The following ZNF592 variants were observed in gnomAD, a reference collection of about 807,000 sequenced individuals.
ZNF592 encodes spinocerebellar ataxia, autosomal recessive 5.
ZNF592 carries 11 observed loss-of-function variants against 80.3 expected under a neutral mutation model. The observed-to-expected ratio is 0.14, with a 90% CI of 0.09 to 0.23. ZNF592 has a LOEUF of 0.23. Among genes scored for constraint, ZNF592 ranks in the 10% least tolerant of loss-of-function variants. ZNF592 has a pLI of 1.00. For missense variants in ZNF592, 1,420 were observed against 1,633.9 expected (o/e 0.87, Z 2.26); for synonymous variants, 646 against 640.3 (o/e 1.01, Z -0.13).
chr15:84,770,143 T>A (rs1266962804), intron 2 of ZNF592, among the ~76,000 whole-genome samples: 2 of 151,902 alleles, frequency 1.3e-5, no homozygotes, highest in South Asian at 2.1e-4. Flanking sequence ...GGATGAAGGG[T>A]GTGAAAGAAA....
chr15:84,757,136 A>T (rs925073423), intron 1 of ZNF592, among the ~76,000 whole-genome samples: 2 of 151,972 alleles, frequency 1.3e-5, no homozygotes, highest in Non-Finnish European at 2.9e-5. Flanking sequence ...TTATTTTTGT[A>T]GTGATGATGG....
intron 1 of ZNF592, chr15:84,754,594 A>G (rs1322489425): frequency 6.6e-6 from 1 of 150,548 alleles, no homozygotes; most frequent in Non-Finnish European, 1.5e-5. Flanking sequence ...GGGGCCCGGC[A>G]TGGTGGTTTA....
At chr15:84,787,255 C>T (rs924594984) in intron 4 of ZNF592, among the ~76,000 whole-genome samples, 4 of 152,130 alleles carry the variant, frequency 2.6e-5, no homozygotes, top group African/African-American at 9.7e-5. Flanking sequence ...TCATTCTGCC[C>T]TAGTGGGAGC....
chr15:84,792,407 T>G (rs574023062), intron 5 of ZNF592, among the ~76,000 whole-genome samples: 1 of 152,350 alleles, frequency 6.6e-6, no homozygotes, highest in South Asian at 2.1e-4. Flanking sequence ...ACACGTATAT[T>G]AAAGTTTTGC....
intron 1 of ZNF592, among the ~76,000 whole-genome samples, chr15:84,749,025 G>C (rs1898933863): frequency 6.6e-6 from 1 of 152,162 alleles, no homozygotes; most frequent in African/African-American, 2.4e-5. Flanking sequence ...CACGGATAAC[G>C]GTGCCACTTT....
chr15:84,771,029 C>A (rs1171237581), intron 2 of ZNF592, among the ~76,000 whole-genome samples: 1 of 152,106 alleles, frequency 6.6e-6, no homozygotes, highest in Non-Finnish European at 1.5e-5. Context: ...GGGGCAGGTA[C>A]ATCAGCCAGG....
chr15:84,798,763 G>T lies in ZNF592; in HGVS notation c.2912G>T (p.Arg971Met). The change falls in exon 8 of 11, where the codon AGG becomes ATG. Residue 971 changes from arginine to methionine, a missense_variant. Arg to Met is a moderately conservative substitution (Grantham distance 91, BLOSUM62 -1). Around this residue, in one of 7 missense-constraint regions of ZNF592, gnomAD observed 331 missense variants for 347.0 expected, o/e 0.95. Coordinates refer to ENST00000560079, the MANE Select transcript of ZNF592 (RefSeq NM_014630.3). The surrounding 1 kb of genome is among the most constrained non-coding windows in gnomAD (Gnocchi z 4.5). ...GRWGRPEAHR[R>M]VEARPRLRNT... ...TGGGGTAGGCCTGAAGCCCACCGCA[G>T]GGTGGAAGCCAGGCCGCGGCTGAGG... 1 of 1,607,248 alleles carries T rather than the reference G, an allele frequency of 6.2e-7. No individual in the cohort carries two copies.
chr15:84,770,618 T>G (rs1217686119), intron 2 of ZNF592, among the ~76,000 whole-genome samples: 1 of 152,010 alleles, frequency 6.6e-6, no homozygotes, highest in Non-Finnish European at 1.5e-5. Context: ...TTCCCCTCTC[T>G]GAGCCTCAGT....
At chr15:84,792,556 TC>T (rs762181621) in intron 5 of ZNF592, among the ~76,000 whole-genome samples, 7 of 152,104 alleles carry the variant, frequency 4.6e-5, no homozygotes, top group Non-Finnish European at 1.0e-4. Flanking sequence ...GCTCAGGTGA[TC>T]CTCCCATCTC....
At chr15:84,759,605 G>T (rs1040772734) in intron 1 of ZNF592, among the ~76,000 whole-genome samples, 2 of 151,962 alleles carry the variant, frequency 1.3e-5, no homozygotes, top group Non-Finnish European at 2.9e-5. Context: ...ATACCCCCTG[G>T]GAGAGGTCAT....
intron 2 of ZNF592, among the ~76,000 whole-genome samples, chr15:84,765,635 T>A (rs1899493244): frequency 1.4e-5 from 2 of 142,358 alleles, no homozygotes; most frequent in Non-Finnish European, 3.0e-5. Flanking sequence ...ACCTCCCGGG[T>A]TCATGCCATT....
At chr15:84,765,546 T>TTTC (rs1555429237) in intron 2 of ZNF592, among the ~76,000 whole-genome samples, 1 of 142,608 alleles carries the variant, frequency 7.0e-6, no homozygotes, top group Non-Finnish European at 1.5e-5. Context: ...TTTTTTTTTT[T>TTTC]TTTTTTTTTT....
At chr15:84,789,912 C>T (rs1405919562) in intron 4 of ZNF592, among the ~76,000 whole-genome samples, 1 of 152,158 alleles carries the variant, frequency 6.6e-6, no homozygotes, top group African/African-American at 2.4e-5. Context: ...TACTTTTTCC[C>T]TCTGGGCTGG....
chr15:84,752,025 G>A (rs1899029442), intron 1 of ZNF592, among the ~76,000 whole-genome samples: 1 of 152,116 alleles, frequency 6.6e-6, no homozygotes, highest in Non-Finnish European at 1.5e-5. Context: ...ACCTCCCAAA[G>A]TGCTGGGATT....
chr15:84,774,613 T>G (rs541445436), intron 2 of ZNF592, among the ~76,000 whole-genome samples: 1 of 152,296 alleles, frequency 6.6e-6, no homozygotes, highest in East Asian at 1.9e-4. Flanking sequence ...AAGACATATA[T>G]ACGGATGCAC....
chr15:84,777,322 C>G (rs1263304653), intron 2 of ZNF592, among the ~76,000 whole-genome samples: 1 of 151,648 alleles, frequency 6.6e-6, no homozygotes, highest in Non-Finnish European at 1.5e-5. Context: ...ACTAAAAATA[C>G]AAAAATTAGA....
At chr15:84,773,267 A>G (rs1158906014) in intron 2 of ZNF592, among the ~76,000 whole-genome samples, 1 of 144,640 alleles carries the variant, frequency 6.9e-6, no homozygotes, top group East Asian at 2.0e-4. Context: ...GCTGGAGTGC[A>G]GTGATGCGAT....
intron 5 of ZNF592, among the ~76,000 whole-genome samples, chr15:84,795,457 A>G (rs539396048): frequency 2.0e-5 from 3 of 152,356 alleles, no homozygotes. Context: ...CTTACTTTCA[A>G]TGAGGTTTCT....
At chr15:84,800,114 C>T in intron 10 of ZNF592, 137 bp downstream of exon 10, 1 of 1,323,884 alleles carries the variant, frequency 7.6e-7, no homozygotes, top group South Asian at 1.2e-5. Flanking sequence ...CTCTCTAGTC[C>T]TGTGTGACCC....
Sources: allele counts gnomAD v4.1 joint callset (sites outside exome capture counted in the v4.1 genomes callset), GRCh38; gene constraint gnomAD v4.1.1; regional missense constraint gnomAD v4.1.1; non-coding constraint Gnocchi (gnomAD v3.1); transcripts MANE v1.5; gene names NCBI Gene and HGNC (gene_info 2026-07-23, HGNC 2026-07-21).